Variants in CD247 observed in about 807,000 individuals in gnomAD.
CD247 encodes the protein T-cell surface glycoprotein CD3 zeta chain.
A neutral mutation model predicts 30.0 loss-of-function variants in CD247; 13 were observed. That is an observed-to-expected ratio of 0.43 (90% CI 0.28 to 0.69). CD247 has a LOEUF of 0.69. Among genes scored for constraint, CD247 ranks in the 30% least tolerant of loss-of-function variants. The probability of loss-of-function intolerance (pLI) is 0.16; values close to 1 mark genes in which losing one functional copy is unlikely to be tolerated. For missense variants in CD247, 193 were observed against 212.6 expected, an observed-to-expected ratio of 0.91 and a Z score of 0.57; for synonymous variants, 72 against 80.0, an observed-to-expected ratio of 0.90 and a Z score of 0.53.
intron 1 of CD247, among the ~76,000 whole-genome samples, chr1:167,510,340 C>A (rs1020256923): frequency 6.6e-6 from 1 of 152,232 alleles, no homozygotes; most frequent in South Asian, 2.1e-4. Context: ...GCACCACATG[C>A]GCCAGCATAT....
intron 3 of CD247, among the ~76,000 whole-genome samples, 194 bp from the exon 4 acceptor site, chr1:167,438,844 G>A (rs1651676949): frequency 6.6e-6 from 1 of 152,156 alleles, no homozygotes; most frequent in Non-Finnish European, 1.5e-5. Context: ...GCCTTAACAT[G>A]ACAGTGGATG....
chr1:167,456,257 G>T (rs1652664188), intron 1 of CD247, among the ~76,000 whole-genome samples: 1 of 151,914 alleles, frequency 6.6e-6, no homozygotes, highest in African/African-American at 2.4e-5. Context: ...ATACATGCCG[G>T]CACTGCCTGT....
At chr1:167,476,194 G>T (rs920214783) in intron 1 of CD247, among the ~76,000 whole-genome samples, 1 of 152,098 alleles carries the variant, frequency 6.6e-6, no homozygotes, top group Admixed American at 6.5e-5. Flanking sequence ...TTGAAATGGC[G>T]CCTTTCTTGG....
chr1:167,458,689 C>CTTTCTTTTTTTTT (rs1553231431), intron 1 of CD247: 18 of 95,380 alleles, frequency 1.9e-4, no homozygotes, highest in Non-Finnish European at 2.5e-4. Context: ...TTCTTTCTTT[C>CTTTCTTTTTTTTT]TTTTTTTTTT....
chr1:167,462,836 C>A (rs35637539), intron 1 of CD247, among the ~76,000 whole-genome samples: 5 of 152,306 alleles, frequency 3.3e-5, no homozygotes, highest in Non-Finnish European at 7.3e-5. Flanking sequence ...CAGACTGATA[C>A]ACTCCTTCCC....
intron 1 of CD247, among the ~76,000 whole-genome samples, chr1:167,501,354 C>T (rs374444058): frequency 2.0e-5 from 3 of 152,170 alleles, no homozygotes; most frequent in African/African-American, 4.8e-5. Context: ...CCACTGCGCC[C>T]GGCCTCCTAT....
Position 167,431,286 on chromosome 1 carries a change from G to C in CD247, c.*395C>G, listed in dbSNP as rs1651253807. ...TTTACAGCAGGAGTGAAGCCACTCAGACACAGAGTGATACAGACATTAGGG... is the reference window on the plus strand; with the variant it reads ...TTTACAGCAGGAGTGAAGCCACTCACACACAGAGTGATACAGACATTAGGG... On this transcript the variant is annotated 3_prime_UTR_variant, in exon 8 of 8. Transcript: ENST00000362089. 1.8e-6 allele frequency: 1 copy of C among 548,732 alleles called. No individual in the cohort carries two copies. The highest frequency in any genetic ancestry group is 1.9e-5 in the African/African-American group (1 of 53,380). The allele number at this position is 548,732 out of a possible 1,614,324, so 34.0% of individuals were successfully genotyped here. A position where few individuals can be genotyped will look rare whatever the true frequency, so the allele number is the denominator to read the frequency against.
intron 1 of CD247, among the ~76,000 whole-genome samples, chr1:167,486,154 AG>A (rs1228082112): frequency 6.6e-6 from 1 of 152,216 alleles, no homozygotes; most frequent in Non-Finnish European, 1.5e-5. Context: ...AACATGGAAA[AG>A]TGAGTGGAAA....
intron 1 of CD247, among the ~76,000 whole-genome samples, chr1:167,463,716 G>T (rs1424478593): frequency 6.6e-6 from 1 of 152,128 alleles, no homozygotes; most frequent in Non-Finnish European, 1.5e-5. Flanking sequence ...CCATTGTAAT[G>T]ATTGGTTAGA....
chr1:167,464,080 TTTGA>T (rs144988598), intron 1 of CD247, among the ~76,000 whole-genome samples: 1,682 of 152,222 alleles, frequency 0.011, 30 homozygotes, highest in African/African-American at 0.039. Context: ...GTGTTGTGTG[TTTGA>T]TTGCGCTAGT....
At chr1:167,449,231 C>T (rs34276574) in intron 1 of CD247, among the ~76,000 whole-genome samples, 40,242 of 139,760 alleles carry the variant, frequency 0.29, 6,793 homozygotes, top group Middle Eastern at 0.46. Flanking sequence ...TGGCTGACTG[C>T]AACCTCCGCC....
At chr1:167,437,686 G>A (rs1651613968) in intron 4 of CD247, among the ~76,000 whole-genome samples, 1 of 152,184 alleles carries the variant, frequency 6.6e-6, no homozygotes, top group Non-Finnish European at 1.5e-5. Context: ...AGCATGGACA[G>A]GTAGCATGAT....
intron 1 of CD247, among the ~76,000 whole-genome samples, chr1:167,463,979 G>C (rs562444230): frequency 1.3e-5 from 2 of 152,208 alleles, no homozygotes; most frequent in South Asian, 4.2e-4. Context: ...CTCATTACTC[G>C]AGACAATAAA....
At position 167,434,360 on chromosome 1, in the gene CD247, C is replaced by A. The variant is rs1317959091; in HGVS notation, c.337-284G>T. 5 of 507,026 alleles carry A rather than the reference C, an allele frequency of 9.9e-6. No homozygotes were observed. The East Asian group carries it at 1.8e-4, about 18-fold the overall frequency. 31.4% of individuals were successfully genotyped at this position (507,026 alleles called of 1,614,324 possible). ...GCTCAAAAAGATAGGAGGTGGAGTT[C>A]TAGACAAAGACACGGAGACTGGGCA... On this transcript the variant is annotated intron_variant, in intron 5 of 7. Transcript: ENST00000362089.
At chr1:167,456,071 A>G (rs943280098) in intron 1 of CD247, among the ~76,000 whole-genome samples, 2 of 149,028 alleles carry the variant, frequency 1.3e-5, no homozygotes, top group African/African-American at 2.5e-5. Context: ...CCGTTCTCAC[A>G]TAGGGGGACT....
chr1:167,470,761 G>T (rs1653481465), intron 1 of CD247, among the ~76,000 whole-genome samples: 1 of 151,496 alleles, frequency 6.6e-6, no homozygotes, highest in South Asian at 2.1e-4. Context: ...AATTTACTCA[G>T]CTATGCCCTT....
At chr1:167,464,089 G>A (rs974155936) in intron 1 of CD247, among the ~76,000 whole-genome samples, 13 of 152,098 alleles carry the variant, frequency 8.5e-5, no homozygotes, top group Admixed American at 2.0e-4. Flanking sequence ...GTTTGATTGC[G>A]CTAGTTTTAC....
At chr1:167,488,380 G>A (rs1654303626) in intron 1 of CD247, among the ~76,000 whole-genome samples, 1 of 152,272 alleles carries the variant, frequency 6.6e-6, no homozygotes, top group Non-Finnish European at 1.5e-5. Flanking sequence ...GGGACAGAAA[G>A]ATTGGGCTCA....
chr1:167,447,392 G>GATATT (rs1652134316), intron 1 of CD247, among the ~76,000 whole-genome samples: 1 of 151,966 alleles, frequency 6.6e-6, no homozygotes, highest in Admixed American at 6.6e-5. Flanking sequence ...TCTGGCCTCT[G>GATATT]CTTGAATATC....
Sources: gnomAD v4.1 joint callset for allele counts (sites outside exome capture counted in the v4.1 genomes callset) on GRCh38, gnomAD v4.1.1 for gene constraint, MANE v1.5 for transcripts, NCBI Gene and HGNC (gene_info 2026-07-23, HGNC 2026-07-21) for gene names.